The following SPIRE1 variants were observed in gnomAD, a reference collection of about 807,000 sequenced individuals.
SPIRE1 encodes protein spire homolog 1.
Under a neutral mutation model 94.1 loss-of-function variants are expected in SPIRE1, and 40 were observed. That is an observed-to-expected ratio of 0.43 (90% confidence interval 0.33 to 0.55). The LOEUF is 0.55. Among genes scored for constraint, SPIRE1 ranks in the 20% least tolerant of loss-of-function variants. SPIRE1 has a pLI of 0.06. For missense variants in SPIRE1, 838 were observed against 975.2 expected, an observed-to-expected ratio of 0.86 and a Z score of 1.87; for synonymous variants, 376 against 371.7, an observed-to-expected ratio of 1.01 and a Z score of -0.13.
Position 12,500,545 on chromosome 18 carries a change from C to T in SPIRE1, c.973-4443G>A, listed in dbSNP as rs186956295. ...TAATTGGTGCAATTGCTGTGGAACA[C>T]GGTTTGGTAGTTTCTCAATAAGCCA... On this transcript the variant is annotated intron_variant, in intron 6 of 16. Transcript: ENST00000409402. Among the ~76,000 whole-genome samples the T allele has an allele frequency of 4.6e-5, 7 of 152,232 alleles. No individual in the cohort carries two copies. The East Asian group carries it at 1.2e-3, about 25-fold the overall frequency.
intron 2 of SPIRE1, among the ~76,000 whole-genome samples, chr18:12,596,987 C>G (rs1040834010): frequency 2.0e-5 from 3 of 147,004 alleles, no homozygotes; most frequent in Admixed American, 6.7e-5. Flanking sequence ...GCCCAAAAGC[C>G]TGCTCCAGTC....
intron 2 of SPIRE1, among the ~76,000 whole-genome samples, chr18:12,604,257 G>A (rs972455102): frequency 6.6e-6 from 1 of 152,070 alleles, no homozygotes; most frequent in Non-Finnish European, 1.5e-5. Context: ...GGTCAGTCGT[G>A]TGAGGCTGAG....
At chr18:12,583,609 AAG>A (rs1567949551) in intron 2 of SPIRE1, among the ~76,000 whole-genome samples, 63 of 151,362 alleles carry the variant, frequency 4.2e-4, no homozygotes, top group Middle Eastern at 6.8e-3. Flanking sequence ...TCCAAAAAAG[AAG>A]AAGAAGAAGA....
chr18:12,642,566 A>G (rs1256216405), intron 1 of SPIRE1, among the ~76,000 whole-genome samples: 1 of 152,230 alleles, frequency 6.6e-6, no homozygotes, highest in Non-Finnish European at 1.5e-5. Flanking sequence ...AAGCTTGCAG[A>G]GCAAATAAGT....
intron 2 of SPIRE1, among the ~76,000 whole-genome samples, chr18:12,583,518 C>G (rs2036309746): frequency 2.0e-5 from 3 of 152,108 alleles, no homozygotes; most frequent in Admixed American, 6.5e-5. Flanking sequence ...AGGAGAATCG[C>G]TTGAACCTGG....
chr18:12,558,124 G>A lies in SPIRE1; in HGVS notation c.373-11220C>T, dbSNP rs183783943. On this transcript the variant is annotated intron_variant, in intron 2 of 16. Transcript: ENST00000409402. ...TCTCACTGACTTCAAGAATGAAGCCGCGGACCCTTGCAGTGTTCCAGTTCT... is the reference window on the plus strand; with the variant it reads ...TCTCACTGACTTCAAGAATGAAGCCACGGACCCTTGCAGTGTTCCAGTTCT... Among the ~76,000 whole-genome samples the A allele has an allele frequency of 2.4e-3, 360 of 152,292 alleles. 3 individuals are homozygous for A. The highest frequency in any genetic ancestry group is 0.014 in the South Asian group (69 of 4,824).
At chr18:12,532,614 T>C (rs575029416) in intron 4 of SPIRE1, among the ~76,000 whole-genome samples, 1 of 152,236 alleles carries the variant, frequency 6.6e-6, no homozygotes, top group Non-Finnish European at 1.5e-5. Context: ...TTAAAATATA[T>C]TAAGTATTTT....
At chr18:12,595,527 C>G (rs575151733) in intron 2 of SPIRE1, among the ~76,000 whole-genome samples, 1 of 152,234 alleles carries the variant, frequency 6.6e-6, no homozygotes, top group South Asian at 2.1e-4. Context: ...TTTCATAGGA[C>G]CAAGTGCTAT....
At chr18:12,505,614 ATATAT>A (rs377052429) in intron 6 of SPIRE1, among the ~76,000 whole-genome samples, 41 of 152,052 alleles carry the variant, frequency 2.7e-4, no homozygotes, top group African/African-American at 9.6e-4. Flanking sequence ...CAGAATCAGG[ATATAT>A]TTTAAAGGGA....
chr18:12,606,143 T>C (rs12326271), intron 2 of SPIRE1, among the ~76,000 whole-genome samples: 84,923 of 151,748 alleles, frequency 0.56, 24,944 homozygotes, highest in Middle Eastern at 0.76. Flanking sequence ...TTATACTCTA[T>C]CCCTTGCCCC....
Position 12,657,659 on chromosome 18 carries a change from G to T in SPIRE1, c.208C>A (p.Arg70Ser). ...GGCTGGCGGCGGCGGGCGGCGGCGC[G>T]CAGGGAACCGCAGCACTGGTAGCAC... ...AVCYQCCGSL[R>S]AAARRRQPRH... Residue 70 changes from arginine to serine, a missense_variant, in exon 1 of 17, where the codon CGC becomes AGC. Around this residue, in one of 2 missense-constraint regions of SPIRE1, gnomAD observed 193 missense variants for 170.5 expected, o/e 1.13. Transcript: ENST00000409402. The T allele has an allele frequency of 7.5e-7, 1 of 1,327,654 alleles. No homozygotes were observed. The highest frequency in any genetic ancestry group is 9.6e-7 in the Non-Finnish European group (1 of 1,036,938). The allele number at this position is 1,327,654 out of a possible 1,614,324, so 82.2% of individuals were successfully genotyped here.
At chr18:12,624,202 G>A (rs2037556263) in intron 2 of SPIRE1, among the ~76,000 whole-genome samples, 2 of 151,150 alleles carry the variant, frequency 1.3e-5, no homozygotes, top group African/African-American at 4.9e-5. Context: ...GATTACAAGC[G>A]TAAACCACCA....
At chr18:12,589,718 C>G (rs888800872) in intron 2 of SPIRE1, among the ~76,000 whole-genome samples, 6 of 152,216 alleles carry the variant, frequency 3.9e-5, no homozygotes, top group African/African-American at 1.2e-4. Context: ...TAACATCCAA[C>G]TGCCAATTCC....
At chr18:12,568,562 T>A (rs181723084) in intron 2 of SPIRE1, among the ~76,000 whole-genome samples, 1 of 152,276 alleles carries the variant, frequency 6.6e-6, no homozygotes, top group African/African-American at 2.4e-5. Context: ...AAAACAACTA[T>A]TTTTTTCTTC....
At chr18:12,651,389 T>C (rs2038374406) in intron 1 of SPIRE1, among the ~76,000 whole-genome samples, 2 of 152,024 alleles carry the variant, frequency 1.3e-5, no homozygotes, top group African/African-American at 4.8e-5. Context: ...TTTTTAAACA[T>C]TTTTTTGCTG....
At chr18:12,547,330 A>C (rs962695050) in intron 2 of SPIRE1, among the ~76,000 whole-genome samples, 3 of 152,180 alleles carry the variant, frequency 2.0e-5, no homozygotes, top group African/African-American at 7.2e-5. Context: ...CCATTCAATC[A>C]CTGAAAACAC....
intron 2 of SPIRE1, among the ~76,000 whole-genome samples, chr18:12,548,995 T>C (rs2035257134): frequency 6.6e-6 from 1 of 152,222 alleles, no homozygotes; most frequent in Non-Finnish European, 1.5e-5. Flanking sequence ...CTCCTGGCAG[T>C]GTCCCAGGAC....
intron 10 of SPIRE1, among the ~76,000 whole-genome samples, chr18:12,472,612 G>A (rs1013722064): frequency 4.0e-5 from 6 of 149,230 alleles, no homozygotes; most frequent in African/African-American, 9.9e-5. Flanking sequence ...CAAGTGATCC[G>A]CCTGCCTCAG....
At chr18:12,467,587 T>C (rs751293015) in intron 10 of SPIRE1, among the ~76,000 whole-genome samples, 3 of 152,242 alleles carry the variant, frequency 2.0e-5, no homozygotes, top group Non-Finnish European at 4.4e-5. Flanking sequence ...AATTATCTGC[T>C]ACCCTGATTA....
Sources: gnomAD v4.1 joint callset for allele counts (sites outside exome capture counted in the v4.1 genomes callset) on GRCh38, gnomAD v4.1.1 for gene constraint, gnomAD v4.1.1 regional missense constraint, MANE v1.5 for transcripts, NCBI Gene and HGNC (gene_info 2026-07-23, HGNC 2026-07-21) for gene names.